STRBP: variants seen among roughly 807,000 people sequenced by gnomAD.
STRBP encodes the protein spermatid perinuclear RNA-binding protein.
In STRBP, 13 loss-of-function variants were observed where a neutral mutation model predicts 80.1. That is an observed-to-expected ratio of 0.16 (90% confidence interval 0.11 to 0.26). The LOEUF (loss-of-function observed/expected upper bound fraction) is 0.26. Among genes scored for constraint, STRBP ranks in the 10% least tolerant of loss-of-function variants. The probability of loss-of-function intolerance (pLI) is 1.00; values close to 1 mark genes in which losing one functional copy is unlikely to be tolerated. For missense variants in STRBP, 485 were observed against 815.2 expected (o/e 0.59, Z 4.93); for synonymous variants, 284 against 291.2 (o/e 0.98, Z 0.25).
At chr9:123,236,657 TAAA>T (rs780963051) in intron 2 of STRBP, among the ~76,000 whole-genome samples, 170 bp downstream of exon 2, 1 of 130,772 alleles carries the variant, frequency 7.6e-6, no homozygotes, top group African/African-American at 2.8e-5. Context: ...TAGGATTTTC[TAAA>T]AAAAAAAAAA....
At chr9:123,232,636 G>A (rs1233782422) in intron 2 of STRBP, among the ~76,000 whole-genome samples, 3 of 152,212 alleles carry the variant, frequency 2.0e-5, no homozygotes, top group Non-Finnish European at 4.4e-5. Flanking sequence ...TGTCTATGTG[G>A]CTGAGAATTG....
chr9:123,198,945 T>G (rs572251354), intron 2 of STRBP, among the ~76,000 whole-genome samples: 1 of 152,226 alleles, frequency 6.6e-6, no homozygotes, highest in Non-Finnish European at 1.5e-5. Flanking sequence ...CATTTGTCTA[T>G]GTCCCTACTT....
chr9:123,200,209 GA>G (rs752784655), intron 2 of STRBP, among the ~76,000 whole-genome samples: 13 of 152,066 alleles, frequency 8.5e-5, no homozygotes, highest in Non-Finnish European at 1.6e-4. Context: ...ACTCCTACTA[GA>G]CAAGTTTCTT....
rs762453942 is a variant in STRBP at position 123,135,912 on chromosome 9, C to CA, written c.1773+128dup. 3.2e-6 allele frequency: 4 copies of CA among 1,238,672 alleles called. No homozygotes were observed. In the East Asian group the frequency reaches 9.5e-5, roughly 29 times the overall value. 76.7% of individuals were successfully genotyped at this position (1,238,672 alleles called of 1,614,324 possible). The stretch of plus-strand genomic sequence containing the variant: ...ATATTATTCGTGACCTAACCCAAAG[C>CA]AAAGGTCACCAAGTCCAAGAAAAGG... On this transcript the variant is annotated intron_variant, in intron 16 of 18. Transcript: ENST00000348403.
rs530112176 is a variant in STRBP, at chr9:123,165,155, C to T, written c.536-4087G>A. Among the ~76,000 whole-genome samples the T allele has an allele frequency of 9.2e-5, 14 of 152,086 alleles. No individual in the cohort carries two copies. In the East Asian group the frequency reaches 2.5e-3, roughly 27 times the overall value. The stretch of plus-strand genomic sequence containing the variant: ...AATTAGCTGGGTGTGGTGGCCAGTG[C>T]CTGCAGTCCCAGCTATTCAGGAGGC... On this transcript the variant is annotated intron_variant, in intron 6 of 18. Transcript: ENST00000348403.
rs2035624803 is a variant in STRBP, at chr9:123,115,141, A to C, written c.*84+788T>G. On this transcript the variant is annotated intron_variant and NMD_transcript_variant, in intron 3 of 3. Coordinates refer to the STRBP transcript ENST00000471564. This position sits in a 1 kb window ranked among gnomAD's most constrained non-coding sequence, Gnocchi z 5.0. ...GACTGTGTGTCCCACCTGCCACTTG[A>C]CTCTGCTCATCCTCTCGGGTCCCAC... 2.2e-6 allele frequency: 1 copy of C among 455,312 alleles called. No individual in the cohort carries two copies. 28.2% of individuals were successfully genotyped at this position (455,312 alleles called of 1,614,324 possible).
At chr9:123,199,982 C>A (rs1036283101) in intron 2 of STRBP, among the ~76,000 whole-genome samples, 1 of 152,128 alleles carries the variant, frequency 6.6e-6, no homozygotes, top group African/African-American at 2.4e-5. Context: ...TTCCCCATTC[C>A]GTATGATGTT....
At chr9:123,256,499 C>T (rs762612129) in intron 1 of STRBP, among the ~76,000 whole-genome samples, 8 of 152,178 alleles carry the variant, frequency 5.3e-5, no homozygotes, top group Non-Finnish European at 1.2e-4. Flanking sequence ...CGGTTAAGTT[C>T]TTCTTGTCAC....
intron 5 of STRBP, among the ~76,000 whole-genome samples, chr9:123,173,014 C>T (rs1017038662): frequency 3.3e-5 from 5 of 152,124 alleles, no homozygotes; most frequent in African/African-American, 1.2e-4. Flanking sequence ...TGATCACAGA[C>T]TCCCAATCAG....
intron 1 of STRBP, among the ~76,000 whole-genome samples, chr9:123,249,436 T>C (rs908593818): frequency 4.6e-5 from 7 of 151,850 alleles, no homozygotes; most frequent in Non-Finnish European, 1.0e-4. Flanking sequence ...GAAGCCGAGC[T>C]TGAGACCAGC....
rs762148438 is a variant in STRBP, at chr9:123,125,593, T to C, written c.*4A>G. 3 of 1,612,338 alleles carry C rather than the reference T, an allele frequency of 1.9e-6. No individual in the cohort carries two copies. The highest frequency in any genetic ancestry group is 2.2e-5 in the South Asian group (2 of 90,632). ...GTTCAATAGGAATTAGCTTCTGTCA[T>C]TTGCTAAAAGAATGAGTAGTGGGGA... On this transcript the variant is annotated 3_prime_UTR_variant, in exon 19 of 19. Transcript: ENST00000348403.
intron 2 of STRBP, among the ~76,000 whole-genome samples, chr9:123,204,713 C>A (rs936622033): frequency 4.0e-5 from 6 of 149,818 alleles, no homozygotes; most frequent in Non-Finnish European, 8.9e-5. Flanking sequence ...GTCAGGAGAT[C>A]GAGACCATCC....
intron 13 of STRBP, among the ~76,000 whole-genome samples, chr9:123,146,042 T>G (rs1421660460): frequency 1.3e-5 from 2 of 150,612 alleles, no homozygotes; most frequent in Non-Finnish European, 1.5e-5. Flanking sequence ...GGATGGTGTT[T>G]GCATCTACAC....
intron 3 of STRBP, chr9:123,112,839 A>G (rs1009243796): frequency 2.0e-5 from 3 of 150,398 alleles, no homozygotes; most frequent in Non-Finnish European, 5.1e-5. Flanking sequence ...CGTTCCCGCC[A>G]TGTGACTTGA....
chr9:123,245,633 A>T (rs1481562501), intron 1 of STRBP, among the ~76,000 whole-genome samples: 1 of 152,132 alleles, frequency 6.6e-6, no homozygotes, highest in Admixed American at 6.5e-5. Flanking sequence ...CGCCCTCCTC[A>T]GCCTCTCAAA....
chr9:123,203,096 G>A (rs1167182137), intron 2 of STRBP, among the ~76,000 whole-genome samples: 1 of 152,126 alleles, frequency 6.6e-6, no homozygotes, highest in East Asian at 1.9e-4. Context: ...ACTCACACCT[G>A]TAATCCTAAT....
chr9:123,190,486 CAAG>C (rs2038883799), intron 2 of STRBP, among the ~76,000 whole-genome samples: 2 of 149,498 alleles, frequency 1.3e-5, no homozygotes, highest in African/African-American at 4.9e-5. Flanking sequence ...AAGGCACGTG[CAAG>C]AAGGTTAAAC....
At chr9:123,203,065 C>T (rs1089995) in intron 2 of STRBP, among the ~76,000 whole-genome samples, 147,323 of 152,182 alleles carry the variant, frequency 0.97, 71,485 homozygotes, top group East Asian at 1. Flanking sequence ...TGCTAATCTA[C>T]ATTAGCATCC....
At chr9:123,227,086 C>T (rs1445541186) in intron 2 of STRBP, among the ~76,000 whole-genome samples, 2 of 152,158 alleles carry the variant, frequency 1.3e-5, no homozygotes, top group Non-Finnish European at 2.9e-5. Context: ...GTCTCACCTC[C>T]CCAAGTTGCT....
Sources: gnomAD v4.1 joint callset for allele counts (sites outside exome capture counted in the v4.1 genomes callset) on GRCh38, gnomAD v4.1.1 for gene constraint, Gnocchi (gnomAD v3.1) non-coding constraint, MANE v1.5 for transcripts, NCBI Gene and HGNC (gene_info 2026-07-23, HGNC 2026-07-21) for gene names.